Variants in WDR72 observed in about 807,000 individuals in gnomAD.
WDR72 encodes WD repeat domain 72, also known as WD repeat-containing protein 72.
A neutral mutation model predicts 124.2 loss-of-function variants in WDR72; 120 were observed. The ratio of observed to expected loss-of-function variants is 0.97; its 90% confidence interval spans 0.83 to 1.12. The LOEUF is 1.12. WDR72 is among the 50% of genes most tolerant of loss of function. The pLI is 0.00. For missense variants in WDR72, 1,387 were observed against 1,278.8 expected (o/e 1.08, Z -1.29); for synonymous variants, 452 against 441.7 (o/e 1.02, Z -0.29).
intron 1 of WDR72, among the ~76,000 whole-genome samples, chr15:53,738,445 A>C (rs905122153): frequency 6.6e-6 from 1 of 152,190 alleles, no homozygotes; most frequent in Non-Finnish European, 1.5e-5. Context: ...GAAGGCCCTA[A>C]AAACATCAAA....
intron 13 of WDR72, among the ~76,000 whole-genome samples, chr15:53,674,729 G>A (rs560382561): frequency 2.6e-4 from 39 of 152,166 alleles, no homozygotes; most frequent in South Asian, 2.1e-3. Flanking sequence ...TTAGATTGGC[G>A]TCACATCAAT....
At chr15:53,530,589 T>C (rs570080255) in intron 18 of WDR72, among the ~76,000 whole-genome samples, 1 of 152,142 alleles carries the variant, frequency 6.6e-6, no homozygotes, top group Non-Finnish European at 1.5e-5. Context: ...CACATATTGA[T>C]AAATTGAAGA....
At chr15:53,519,170 A>T (rs1891641813) in intron 19 of WDR72, among the ~76,000 whole-genome samples, 1 of 152,134 alleles carries the variant, frequency 6.6e-6, no homozygotes. Context: ...TGAATGTCAC[A>T]CTAAATTTTC....
chr15:53,756,897 G>A (rs1030787433), intron 1 of WDR72: 3 of 152,244 alleles, frequency 2.0e-5, no homozygotes, highest in African/African-American at 7.2e-5. Context: ...TGGGGCAGAG[G>A]TGGTGGTCAG....
At chr15:53,551,017 T>C (rs1402071353) in intron 18 of WDR72, among the ~76,000 whole-genome samples, 3 of 152,076 alleles carry the variant, frequency 2.0e-5, no homozygotes, top group African/African-American at 7.2e-5. Flanking sequence ...AGCTTGGAGG[T>C]CAAGGAGGAT....
chr15:53,538,780 T>C (rs922876804), intron 18 of WDR72, among the ~76,000 whole-genome samples: 10 of 152,094 alleles, frequency 6.6e-5, no homozygotes, highest in African/African-American at 2.2e-4. Context: ...ACACAGCAGA[T>C]CACAGAATGA....
intron 17 of WDR72, among the ~76,000 whole-genome samples, chr15:53,602,480 A>C (rs2013086874): frequency 6.6e-6 from 1 of 152,034 alleles, no homozygotes; most frequent in Admixed American, 6.6e-5. Context: ...AGAAATAACC[A>C]AAATCAGAGC....
At chr15:53,666,903 G>GT (rs2015798552) in intron 13 of WDR72, among the ~76,000 whole-genome samples, 1 of 152,148 alleles carries the variant, frequency 6.6e-6, no homozygotes, top group Non-Finnish European at 1.5e-5. Context: ...TTCTGAATCA[G>GT]TAACAGTTAC....
At chr15:53,575,932 C>T (rs1268737876) in intron 18 of WDR72, among the ~76,000 whole-genome samples, 1 of 152,166 alleles carries the variant, frequency 6.6e-6, no homozygotes, top group Non-Finnish European at 1.5e-5. Context: ...GAAGACATCA[C>T]TGGAGCCCAC....
chr15:53,688,239 A>T (rs1411813491), intron 13 of WDR72, among the ~76,000 whole-genome samples: 3 of 149,810 alleles, frequency 2.0e-5, no homozygotes, highest in Admixed American at 1.3e-4. Flanking sequence ...AAGGAAAGAA[A>T]GGGTATTCAA....
chr15:53,699,996 ATGAG>A (rs1257492209), intron 12 of WDR72, 51 bp from the exon 13 acceptor site: 2 of 1,609,022 alleles, frequency 1.2e-6, no homozygotes, highest in African/African-American at 1.3e-5. Context: ...TGCTTTCTTT[ATGAG>A]TAAGTCAGAT....
chr15:53,571,034 A>T (rs1894507628), intron 18 of WDR72, among the ~76,000 whole-genome samples: 2 of 152,062 alleles, frequency 1.3e-5, no homozygotes, highest in Admixed American at 6.6e-5. Context: ...CTACAAATTA[A>T]CTCAAACAGA....
chr15:53,753,669 C>G (rs573465203), intron 1 of WDR72, among the ~76,000 whole-genome samples: 1 of 152,202 alleles, frequency 6.6e-6, no homozygotes, highest in African/African-American at 2.4e-5. Context: ...AGTCCTGGCT[C>G]TTCCTACTTT....
intron 18 of WDR72, among the ~76,000 whole-genome samples, chr15:53,565,318 T>C (rs1439216242): frequency 1.3e-5 from 2 of 151,898 alleles, no homozygotes; most frequent in Non-Finnish European, 2.9e-5. Context: ...AATTACTTTT[T>C]GAACACATGT....
intron 18 of WDR72, among the ~76,000 whole-genome samples, chr15:53,546,599 G>A (rs1011729959): frequency 6.6e-6 from 1 of 151,912 alleles, no homozygotes; most frequent in Non-Finnish European, 1.5e-5. Flanking sequence ...CACCAGCATG[G>A]CACATGTATA....
At chr15:53,704,768 G>A (rs947211796) in intron 11 of WDR72, among the ~76,000 whole-genome samples, 12 of 135,420 alleles carry the variant, frequency 8.9e-5, no homozygotes, top group African/African-American at 2.8e-4. Flanking sequence ...TCCTGACCTC[G>A]TGATCCGCCC....
chr15:53,754,160 C>G (rs1219151952), intron 1 of WDR72, among the ~76,000 whole-genome samples: 1 of 152,126 alleles, frequency 6.6e-6, no homozygotes, highest in African/African-American at 2.4e-5. Flanking sequence ...ACTGTTTAGT[C>G]TAAGAGTCTT....
At chr15:53,751,599 C>T (rs1438780934) in intron 1 of WDR72, among the ~76,000 whole-genome samples, 1 of 152,142 alleles carries the variant, frequency 6.6e-6, no homozygotes, top group Non-Finnish European at 1.5e-5. Flanking sequence ...CGCTTGGAAT[C>T]AAACCTACAA....
At chr15:53,748,852 C>T (rs2018706758) in intron 1 of WDR72, among the ~76,000 whole-genome samples, 1 of 152,152 alleles carries the variant, frequency 6.6e-6, no homozygotes, top group Non-Finnish European at 1.5e-5. Flanking sequence ...CAACTGATTT[C>T]TCTTCTTTGG....
Sources: gnomAD v4.1 joint callset for allele counts (sites outside exome capture counted in the v4.1 genomes callset) on GRCh38, gnomAD v4.1.1 for gene constraint, MANE v1.5 for transcripts, NCBI Gene and HGNC (gene_info 2026-07-23, HGNC 2026-07-21) for gene names.